Variants in SUPT3H observed in about 807,000 individuals in gnomAD.
SUPT3H encodes the protein transcription initiation protein SPT3 homolog.
In SUPT3H, 44 loss-of-function variants were observed where a neutral mutation model predicts 44.3. The ratio of observed to expected loss-of-function variants is 0.99; its 90% CI spans 0.78 to 1.28. The LOEUF (loss-of-function observed/expected upper bound fraction) is 1.28. Among genes scored for constraint, SUPT3H ranks in the 50% most tolerant of loss-of-function variants. The pLI is 0.00. For synonymous variants in SUPT3H, 124 were observed against 125.6 expected (o/e 0.99, Z 0.09); for missense variants, 380 against 387.1 (o/e 0.98, Z 0.15).
chr6:45,080,760 G>A (rs928075665), intron 3 of SUPT3H, among the ~76,000 whole-genome samples: 27 of 152,016 alleles, frequency 1.8e-4, no homozygotes, highest in Non-Finnish European at 3.7e-4. Context: ...GTAGACAGAT[G>A]GTTACCAGAG....
intron 10 of SUPT3H, among the ~76,000 whole-genome samples, chr6:44,887,456 T>G (rs1762509891): frequency 6.6e-6 from 1 of 152,156 alleles, no homozygotes; most frequent in Admixed American, 6.6e-5. Context: ...AACTCAGGAT[T>G]AAGAAACTCA....
chr6:45,055,621 G>A (rs1051803141), intron 3 of SUPT3H, among the ~76,000 whole-genome samples: 9 of 152,110 alleles, frequency 5.9e-5, no homozygotes, highest in Non-Finnish European at 1.3e-4. Context: ...CAAGCTACAC[G>A]TAGAAGAATG....
At chr6:45,013,658 T>C (rs1260620827) in intron 5 of SUPT3H, among the ~76,000 whole-genome samples, 5 of 152,056 alleles carry the variant, frequency 3.3e-5, no homozygotes, top group Non-Finnish European at 7.4e-5. Flanking sequence ...TTTTATCCTA[T>C]GAGCTGAGGT....
intron 2 of SUPT3H, among the ~76,000 whole-genome samples, chr6:45,342,850 A>G (rs1473031821): frequency 6.6e-6 from 1 of 152,224 alleles, no homozygotes; most frequent in East Asian, 1.9e-4. Flanking sequence ...AAAGTCCTCC[A>G]ATTACAAGAT....
chr6:45,041,938 C>A (rs1485996776), intron 3 of SUPT3H, among the ~76,000 whole-genome samples: 1 of 152,072 alleles, frequency 6.6e-6, no homozygotes, highest in Non-Finnish European at 1.5e-5. Flanking sequence ...ACGCAGGCCT[C>A]CATCAAGGGT....
intron 2 of SUPT3H, among the ~76,000 whole-genome samples, chr6:45,214,754 G>A (rs1461314823): frequency 6.6e-6 from 1 of 152,124 alleles, no homozygotes; most frequent in Non-Finnish European, 1.5e-5. Context: ...GAGGGTAAGG[G>A]AGGAAGATCA....
At chr6:44,938,851 C>T (rs1235907964) in intron 9 of SUPT3H, among the ~76,000 whole-genome samples, 3 of 151,954 alleles carry the variant, frequency 2.0e-5, no homozygotes, top group Non-Finnish European at 4.4e-5. Context: ...AATGAGATTG[C>T]CTTCTTGATT....
chr6:45,033,314 T>C (rs113201397), intron 3 of SUPT3H, among the ~76,000 whole-genome samples: 22 of 152,058 alleles, frequency 1.4e-4, no homozygotes, highest in African/African-American at 5.1e-4. Flanking sequence ...TAAGCAAGCA[T>C]GGAGATTTAA....
chr6:44,887,187 C>G (rs1762453565), intron 10 of SUPT3H, among the ~76,000 whole-genome samples: 1 of 152,184 alleles, frequency 6.6e-6, no homozygotes, highest in African/African-American at 2.4e-5. Flanking sequence ...TAACACCCCA[C>G]TGTCAACATT....
intron 3 of SUPT3H, among the ~76,000 whole-genome samples, chr6:45,087,334 G>A (rs908615308): frequency 6.6e-6 from 1 of 151,772 alleles, no homozygotes; most frequent in African/African-American, 2.4e-5. Flanking sequence ...AAGTTAAAAT[G>A]TTTAAAGGGT....
chr6:45,299,924 T>A (rs1329247140), intron 2 of SUPT3H, among the ~76,000 whole-genome samples: 2 of 151,294 alleles, frequency 1.3e-5, no homozygotes, highest in African/African-American at 4.9e-5. Context: ...ATAACATGAC[T>A]TTTATATGCG....
At chr6:45,126,209 T>G (rs542277287) in intron 2 of SUPT3H, among the ~76,000 whole-genome samples, 21 of 152,316 alleles carry the variant, frequency 1.4e-4, no homozygotes, top group Middle Eastern at 3.4e-3. Context: ...GGTGGCCCAT[T>G]TAAAACAGTT....
intron 3 of SUPT3H, among the ~76,000 whole-genome samples, chr6:45,048,174 T>C (rs1336247178): frequency 1.3e-5 from 2 of 151,736 alleles, no homozygotes; most frequent in South Asian, 2.1e-4. Flanking sequence ...TTATCAGATA[T>C]ATGGCTTGCG....
chr6:45,016,706 G>A (rs950750888), intron 4 of SUPT3H, among the ~76,000 whole-genome samples: 8 of 151,872 alleles, frequency 5.3e-5, no homozygotes, highest in Admixed American at 4.6e-4. Flanking sequence ...GTATTCCATC[G>A]TGTATATGTG....
intron 3 of SUPT3H, among the ~76,000 whole-genome samples, chr6:45,070,845 CA>C (rs1794279451): frequency 6.6e-6 from 1 of 150,974 alleles, no homozygotes; most frequent in Non-Finnish European, 1.5e-5. Context: ...CAGTGTATAG[CA>C]GAGAGTTTAT....
At chr6:44,994,187 C>T (rs1780971317) in intron 6 of SUPT3H, among the ~76,000 whole-genome samples, 1 of 151,956 alleles carries the variant, frequency 6.6e-6, no homozygotes, top group Admixed American at 6.6e-5. Flanking sequence ...AGGGCAAAGG[C>T]CATATTTTAT....
At chr6:45,070,214 T>C (rs1032514500) in intron 3 of SUPT3H, among the ~76,000 whole-genome samples, 8 of 152,182 alleles carry the variant, frequency 5.3e-5, no homozygotes, top group African/African-American at 1.7e-4. Flanking sequence ...AAAGGACCAT[T>C]GTTATCCAAT....
At chr6:44,959,258 G>A (rs1775669776) in intron 7 of SUPT3H, among the ~76,000 whole-genome samples, 1 of 151,992 alleles carries the variant, frequency 6.6e-6, no homozygotes, top group African/African-American at 2.4e-5. Context: ...AACTGAAATA[G>A]TACAAAGAGA....
chr6:45,138,271 C>T (rs914068543), intron 2 of SUPT3H, among the ~76,000 whole-genome samples: 14 of 152,188 alleles, frequency 9.2e-5, no homozygotes, highest in African/African-American at 3.4e-4. Flanking sequence ...AATGATATAG[C>T]TATTTTGGAG....
Sources: gnomAD v4.1 joint callset for allele counts (sites outside exome capture counted in the v4.1 genomes callset) on GRCh38, gnomAD v4.1.1 for gene constraint, MANE v1.5 for transcripts, NCBI Gene and HGNC (gene_info 2026-07-23, HGNC 2026-07-21) for gene names.